PZP: variants seen among roughly 807,000 people sequenced by gnomAD.
The protein encoded by PZP is PZP alpha-2-macroglobulin like.
In PZP, 150 loss-of-function variants were observed where a neutral mutation model predicts 179.8. The observed-to-expected ratio is 0.83, with a 90% CI of 0.73 to 0.96. The LOEUF is 0.96. Among genes scored for constraint, PZP ranks in the 40% least tolerant of loss-of-function variants. The pLI, the probability that PZP is intolerant of heterozygous loss-of-function variation, is 0.00. For synonymous variants in PZP, 624 were observed against 652.3 expected (o/e 0.96, Z 0.66); for missense variants, 1,689 against 1,764.0 (o/e 0.96, Z 0.76).
In PZP at chr12:9,198,762, G is replaced by C. The variant is rs769100044; in HGVS notation, c.755+1602C>G. On this transcript the variant is annotated intron_variant, in intron 7 of 35. Coordinates refer to ENST00000261336, the MANE Select transcript of PZP (RefSeq NM_002864.3). ...GCTCTGAAATTACTTCAAATAAAAA[G>C]ATAGAATCAAAGCAGCTTATTCTGA... Among the ~76,000 whole-genome samples the C allele has an allele frequency of 4.6e-5, 7 of 152,254 alleles. No homozygotes were observed. The South Asian group carries it at 1.5e-3, about 32-fold the overall frequency.
In PZP at chr12:9,164,116, TG is replaced by T. The variant is rs1229443379; in HGVS notation, c.2614+16del. On this transcript the variant is annotated intron_variant, in intron 20 of 35. Coordinates refer to ENST00000261336, the MANE Select transcript of PZP (RefSeq NM_002864.3). ...GTCCTTGTTGATTGATAGGCCCTTT[TG>T]GGTACTGTCACTCACCCAGAGTTTT... 8 of 1,606,044 alleles carry T rather than the reference TG, an allele frequency of 5.0e-6. No individual in the cohort carries two copies. Among genetic ancestry groups the T allele is most frequent in the Non-Finnish European group, 8.5e-7 (1 of 1,173,538 alleles).
In PZP at chr12:9,202,313, G is replaced by A; in HGVS notation, c.480+6C>T. On this transcript the variant is annotated splice_donor_region_variant and intron_variant, in intron 4 of 35. Transcript: ENST00000261336. ...ACAACCCAAACCACAGATAGTGGAT[G>A]CTTACCAGTTCATTTCGAGGGCGAA... 1 of 1,611,128 alleles carries A rather than the reference G, an allele frequency of 6.2e-7. No homozygotes were observed. The highest frequency in any genetic ancestry group is 8.5e-7 in the Non-Finnish European group (1 of 1,177,222).
the PZP span, among the ~76,000 whole-genome samples, chr12:9,142,439 C>G: frequency 6.6e-6 from 1 of 152,262 alleles, no homozygotes; most frequent in Non-Finnish European, 1.5e-5. Flanking sequence ...TTAATAAATG[C>G]AAACAAAAAT....
At chr12:9,175,315 G>A (rs1007998152) in intron 15 of PZP, among the ~76,000 whole-genome samples, 5 of 152,082 alleles carry the variant, frequency 3.3e-5, no homozygotes, top group South Asian at 2.1e-4. Context: ...ATTAACTCAA[G>A]ATGAATTAAA....
chr12:9,193,942 A>G (rs1027367963), intron 11 of PZP, 135 bp downstream of exon 11: 13 of 849,748 alleles, frequency 1.5e-5, no homozygotes, highest in Non-Finnish European at 1.9e-5. Flanking sequence ...AAATTCTATT[A>G]TCCTCAAATT....
In PZP at chr12:9,181,045, G is replaced by A; in HGVS notation, c.1777C>T (p.Leu593Phe). Residue 593 changes from leucine (L) to phenylalanine (F), a missense_variant, in exon 15 of 36, where the codon CTT (leucine) becomes TTT (phenylalanine). This residue lies in a region of PZP where 742 missense variants were observed against 730.5 expected (regional missense o/e 1.02). Transcript: ENST00000261336. ...VAAAPQSLCA[L>F]RAVDQSVLLM... ...AGCACACTTTGGTCCACAGCACGAA[G>A]GGCACAGAGGGACTGCGGAGCAGCT... 6.2e-7 allele frequency: 1 copy of A among 1,614,202 alleles called. No individual in the cohort carries two copies. The highest frequency in any genetic ancestry group is 1.1e-5 in the South Asian group (1 of 91,074).
chr12:9,192,639 C>T lies in PZP; in HGVS notation c.1355G>A (p.Gly452Glu), dbSNP rs773917646. ...HTANRVFSLS[G>E]SYIHLEPVAG... ...CACAGGCTCCAGGTGAATGTAACTT[C>T]CACTTAAGGAGAAAACACGATTTGC... The change falls in exon 12 of 36, where the codon GGA (glycine) becomes GAA (glutamate). Residue 452 changes from glycine (G) to glutamate (E), a missense_variant. By Grantham distance (98) the Gly-to-Glu change is moderately conservative. This residue lies in a region of PZP where 742 missense variants were observed against 730.5 expected (regional missense o/e 1.02). Coordinates refer to ENST00000261336, the MANE Select transcript of PZP (RefSeq NM_002864.3). 14 of 1,613,962 alleles carry T rather than the reference C, an allele frequency of 8.7e-6. No homozygotes were observed. Among genetic ancestry groups the T allele is most frequent in the Non-Finnish European group, 1.2e-5 (14 of 1,179,958 alleles).
chr12:9,151,432 A>G (rs73246354), intron 33 of PZP, among the ~76,000 whole-genome samples, 172 bp downstream of exon 33: 3,506 of 152,302 alleles, frequency 0.023, 138 homozygotes, highest in African/African-American at 0.079. Context: ...ATAGAACAGA[A>G]CACTACATGG....
At chr12:9,147,440 ATCT>A (rs1393068122), downstream of PZP, among the ~76,000 whole-genome samples, 23 of 152,118 alleles carry the variant, frequency 1.5e-4, no homozygotes, top group Admixed American at 1.4e-3. Context: ...AGTGTTCTGA[ATCT>A]TCTTTTTTCT....
chr12:9,152,751 A>C (rs1940452262), intron 31 of PZP, 73 bp downstream of exon 31: 1 of 1,480,126 alleles, frequency 6.8e-7, no homozygotes, highest in African/African-American at 1.4e-5. Flanking sequence ...TAGCTTCCAA[A>C]TGGACTATTA....
Position 9,181,515 on chromosome 12 carries a change from T to G in PZP, c.1690-383A>C, listed in dbSNP as rs780678946. Among the ~76,000 whole-genome samples the G allele has an allele frequency of 9.2e-5, 14 of 152,342 alleles. 1 individual carries two copies. In the South Asian group the frequency reaches 2.9e-3, roughly 32 times the overall value. The stretch of plus-strand genomic sequence containing the variant: ...ATTAATTTACTCACTCTTTTAAACA[T>G]GACTATTACATAAGTGGGGAATCTT... On this transcript the variant is annotated intron_variant, in intron 14 of 35. Transcript: ENST00000261336.
At chr12:9,186,031 C>T (rs1001866097) in intron 13 of PZP, among the ~76,000 whole-genome samples, 2 of 151,934 alleles carry the variant, frequency 1.3e-5, no homozygotes, top group African/African-American at 4.8e-5. Context: ...TGGTCTCGAT[C>T]TCCTGACTTC....
At position 9,196,661 on chromosome 12, in the gene PZP, G is replaced by T. The variant is rs760214433; in HGVS notation, c.892C>A (p.Gln298Lys). The T allele has an allele frequency of 6.8e-6, 11 of 1,612,418 alleles. No individual in the cohort carries two copies. The African/African-American group carries it at 1.5e-4, about 22-fold the overall frequency. Reference sequence around the variant, plus strand: ...TGGAGCATTTTGGTGTGTACTTGTTGGGTGATGCAGCCATTGCTGTTAAGC... The same window carrying T: ...TGGAGCATTTTGGTGTGTACTTGTTTGGTGATGCAGCCATTGCTGTTAAGC... ...QQLNSNGCIT[Q>K]QVHTKMLQIT... is the part of the protein sequence containing the mutation. Residue 298 changes from glutamine to lysine, a missense_variant, in exon 9 of 36, where the codon CAA becomes AAA. Coordinates refer to ENST00000261336, the MANE Select transcript of PZP (RefSeq NM_002864.3).
chr12:9,179,196 C>T (rs1942592226), intron 15 of PZP, among the ~76,000 whole-genome samples: 1 of 152,068 alleles, frequency 6.6e-6, no homozygotes, highest in African/African-American at 2.4e-5. Flanking sequence ...GAACTTTTCC[C>T]TTCCTTCTGA....
chr12:9,199,761 C>A (rs1291402384), intron 7 of PZP, among the ~76,000 whole-genome samples: 2 of 151,950 alleles, frequency 1.3e-5, no homozygotes, highest in Non-Finnish European at 2.9e-5. Flanking sequence ...GGAAATGGGA[C>A]AAAAAGAACC....
At chr12:9,169,359 A>C in intron 16 of PZP, 71 bp downstream of exon 16, 1 of 1,361,632 alleles carries the variant, frequency 7.3e-7, no homozygotes, top group Non-Finnish European at 1.0e-6. Context: ...TAAGATTATG[A>C]ATAGATACAG....
chr12:9,202,011 T>A (rs994730299), intron 4 of PZP, among the ~76,000 whole-genome samples: 21 of 152,228 alleles, frequency 1.4e-4, no homozygotes, highest in African/African-American at 5.1e-4. Flanking sequence ...AATCATAAAT[T>A]CCTTGAAAGT....
intron 17 of PZP, among the ~76,000 whole-genome samples, chr12:9,168,216 G>A (rs912043121): frequency 1.3e-5 from 2 of 152,198 alleles, no homozygotes; most frequent in Admixed American, 6.5e-5. Flanking sequence ...GAGGCTTAGA[G>A]AGGAGATATG....
rs75494564 is a variant in PZP at position 9,202,589 on chromosome 12, T to C, written c.363A>G (p.Val121=). Reference sequence around the variant, plus strand: ...CAAAGACCAGACTTTGGGTGTTCAGTACCAGAACTGTGTTCCTCTTCCTGA... The same window carrying C: ...CAAAGACCAGACTTTGGGTGTTCAGCACCAGAACTGTGTTCCTCTTCCTGA... ...QDFRKRNTVL[V]LNTQSLVFVQ... The change falls in exon 3 of 36, where the codon GTA becomes GTG. Residue 121 remains valine (V), a synonymous_variant. Coordinates refer to ENST00000261336, the MANE Select transcript of PZP (RefSeq NM_002864.3). 1 of 1,614,144 alleles carries C rather than the reference T, an allele frequency of 6.2e-7. No individual in the cohort carries two copies. The highest frequency in any genetic ancestry group is 8.5e-7 in the Non-Finnish European group (1 of 1,179,994).
Sources: allele counts gnomAD v4.1 joint callset (sites outside exome capture counted in the v4.1 genomes callset), GRCh38; gene constraint gnomAD v4.1.1; regional missense constraint gnomAD v4.1.1; transcripts MANE v1.5; gene names NCBI Gene and HGNC (gene_info 2026-07-23, HGNC 2026-07-21).